The following PSMA1 variants were observed in gnomAD, a reference collection of about 807,000 sequenced individuals.
PSMA1 encodes proteasome 20S subunit alpha 1, also known as proteasome subunit alpha type-1.
A neutral mutation model predicts 38.4 loss-of-function variants in PSMA1; 3 were observed. That is an observed-to-expected ratio of 0.08 (90% CI 0.04 to 0.20). The LOEUF is 0.20. Among genes scored for constraint, PSMA1 ranks in the 10% least tolerant of loss-of-function variants. The pLI, the probability that PSMA1 is intolerant of heterozygous loss-of-function variation, is 1.00. For synonymous variants in PSMA1, 101 were observed against 107.1 expected (o/e 0.94, Z 0.35); for missense variants, 227 against 325.3 (o/e 0.70, Z 2.32).
chr11:14,553,238 C>T lies in PSMA1; in HGVS notation c.22-34197G>A, dbSNP rs76769078. On this transcript the variant is annotated intron_variant, in intron 2 of 10. Transcript: ENST00000418988. The stretch of plus-strand genomic sequence containing the variant: ...TTCTGTGTACCCTTTATCCTGTTTC[C>T]CCCAATGGTAACATCTTACATAACT... 7.7e-4 allele frequency among the ~76,000 whole-genome samples: 117 copies of T among 152,016 alleles called. 2 individuals are homozygous for T. Among genetic ancestry groups the T allele is most frequent in the African/African-American group, 2.6e-3 (106 of 41,466 alleles).
At chr11:14,508,435 C>G (rs1851282700) in intron 8 of PSMA1, among the ~76,000 whole-genome samples, 1 of 151,688 alleles carries the variant, frequency 6.6e-6, no homozygotes, top group Admixed American at 6.6e-5. Flanking sequence ...ATTATTTTTC[C>G]TCATAAATGC....
intron 5 of PSMA1, 83 bp downstream of exon 5, chr11:14,514,317 ATAT>A (rs1248261789): frequency 4.8e-6 from 7 of 1,444,228 alleles, no homozygotes; most frequent in South Asian, 1.5e-5. Context: ...TACCTATGTC[ATAT>A]TATTATTATA....
intron 2 of PSMA1, among the ~76,000 whole-genome samples, chr11:14,607,562 T>C (rs1522632): frequency 1.3e-5 from 2 of 152,278 alleles, no homozygotes; most frequent in East Asian, 3.9e-4. Flanking sequence ...TGTCCTATTA[T>C]ATAGTATGTA....
intron 1 of PSMA1, among the ~76,000 whole-genome samples, chr11:14,614,276 A>C (rs1852743554): frequency 6.6e-6 from 1 of 152,124 alleles, no homozygotes; most frequent in Admixed American, 6.6e-5. Flanking sequence ...CTCCCCTGGT[A>C]AGAAGTGTCA....
chr11:14,545,290 T>C (rs955104086), intron 2 of PSMA1, among the ~76,000 whole-genome samples: 1 of 151,816 alleles, frequency 6.6e-6, no homozygotes, highest in African/African-American at 2.4e-5. Flanking sequence ...CATGTGATTG[T>C]TTAATTATTT....
Position 14,518,390 on chromosome 11 carries a change from C to T in PSMA1, c.49-409G>A, listed in dbSNP as rs767582905. ...CTGGGATTACAGGCATGAGCCACTG[C>T]ACCCGGCTGAAAGCTTCTTTTAAAA... On this transcript the variant is annotated intron_variant, in intron 2 of 9. Coordinates refer to ENST00000396394, the MANE Select transcript of PSMA1 (RefSeq NM_002786.4). 3.3e-5 allele frequency among the ~76,000 whole-genome samples: 5 copies of T among 152,312 alleles called. No homozygotes were observed. In the East Asian group the frequency reaches 9.6e-4, roughly 29 times the overall value.
rs569279696 is a variant in PSMA1 at position 14,604,216 on chromosome 11, C to G, written c.21+6750G>C. Among the ~76,000 whole-genome samples the G allele has an allele frequency of 3.9e-5, 6 of 152,210 alleles. No homozygotes were observed. In the South Asian group the frequency reaches 1.0e-3, roughly 26 times the overall value. On this transcript the variant is annotated intron_variant, in intron 2 of 10. Coordinates refer to the PSMA1 transcript ENST00000418988. ...CTGGGATTACAGGCATATGCCACCA[C>G]GCCCGGCTAATTTTTTTGTATTTTT...
chr11:14,639,241 A>C (rs1745017929), intron 1 of PSMA1, among the ~76,000 whole-genome samples: 1 of 147,656 alleles, frequency 6.8e-6, no homozygotes, highest in Admixed American at 7.0e-5. Context: ...CATATGTGTA[A>C]TTTTGTTTTT....
intron 2 of PSMA1, among the ~76,000 whole-genome samples, chr11:14,589,501 T>C (rs1472046724): frequency 6.6e-6 from 1 of 151,496 alleles, no homozygotes; most frequent in Non-Finnish European, 1.5e-5. Flanking sequence ...TACTGGAAAA[T>C]TTAGAAACAT....
At chr11:14,541,803 T>C (rs1186284997) in intron 2 of PSMA1, among the ~76,000 whole-genome samples, 2 of 152,238 alleles carry the variant, frequency 1.3e-5, no homozygotes, top group East Asian at 3.8e-4. Flanking sequence ...TAGCATGGTC[T>C]ATGCATCAGG....
chr11:14,589,527 G>A (rs1169246459), intron 2 of PSMA1, among the ~76,000 whole-genome samples: 1 of 151,710 alleles, frequency 6.6e-6, no homozygotes, highest in East Asian at 1.9e-4. Flanking sequence ...AACAAGACAG[G>A]TAGATCTCTG....
chr11:14,597,039 G>T (rs1350990460), intron 2 of PSMA1, among the ~76,000 whole-genome samples: 1 of 152,146 alleles, frequency 6.6e-6, no homozygotes, highest in Admixed American at 6.6e-5. Flanking sequence ...TTATGTGATG[G>T]AGTACGTTTA....
intron 2 of PSMA1, among the ~76,000 whole-genome samples, chr11:14,529,107 C>G (rs985198505): frequency 1.1e-5 from 1 of 87,114 alleles, no homozygotes; most frequent in Admixed American, 1.4e-4. Flanking sequence ...GCCTGGGTGA[C>G]AAAGACCCTG....
At chr11:14,611,944 G>A (rs11023274) in intron 1 of PSMA1, among the ~76,000 whole-genome samples, 4,830 of 152,262 alleles carry the variant, frequency 0.032, 106 homozygotes, top group Middle Eastern at 0.071. Flanking sequence ...TATTTGTGCT[G>A]AGTTTGGAGT....
At chr11:14,586,011 C>T (rs896566949) in intron 2 of PSMA1, among the ~76,000 whole-genome samples, 7 of 152,168 alleles carry the variant, frequency 4.6e-5, no homozygotes, top group African/African-American at 1.7e-4. Context: ...TACAATCTTG[C>T]CACCTGGATT....
intron 2 of PSMA1, among the ~76,000 whole-genome samples, chr11:14,541,456 C>G (rs897938442): frequency 3.3e-5 from 5 of 152,184 alleles, no homozygotes; most frequent in Non-Finnish European, 7.3e-5. Context: ...TGCTCTGGCC[C>G]AGGAAAGAGA....
intron 2 of PSMA1, among the ~76,000 whole-genome samples, chr11:14,535,844 T>A (rs1851700840): frequency 6.6e-6 from 1 of 152,190 alleles, no homozygotes; most frequent in South Asian, 2.1e-4. Flanking sequence ...GAATTAGTGT[T>A]GTTTTTCTGT....
intron 1 of PSMA1, among the ~76,000 whole-genome samples, chr11:14,620,984 TTC>T (rs1444780812): frequency 6.6e-6 from 1 of 152,202 alleles, no homozygotes. Context: ...AGAAAAAATA[TTC>T]TTTTTTCTTC....
intron 2 of PSMA1, among the ~76,000 whole-genome samples, chr11:14,597,052 G>C (rs1446414279): frequency 6.6e-6 from 1 of 152,168 alleles, no homozygotes; most frequent in Non-Finnish European, 1.5e-5. Context: ...TACGTTTATT[G>C]ATTTGCGTAT....
Sources: gnomAD v4.1 joint callset for allele counts (sites outside exome capture counted in the v4.1 genomes callset) on GRCh38, gnomAD v4.1.1 for gene constraint, MANE v1.5 for transcripts, NCBI Gene and HGNC (gene_info 2026-07-23, HGNC 2026-07-21) for gene names.